Variants in LACTB2 observed in about 807,000 individuals in gnomAD.
LACTB2 encodes lactamase beta 2.
Under a neutral mutation model 34.8 loss-of-function variants are expected in LACTB2, and 32 were observed. That is an observed-to-expected ratio of 0.92 (90% CI 0.69 to 1.24). The LOEUF (loss-of-function observed/expected upper bound fraction) is 1.24, where lower values mean the gene tolerates loss of function less well. Among genes scored for constraint, LACTB2 ranks in the 50% most tolerant of loss-of-function variants. LACTB2 has a pLI of 0.00. For missense variants in LACTB2, 320 were observed against 345.0 expected, an observed-to-expected ratio of 0.93 and a Z score of 0.57; for synonymous variants, 120 against 117.5, an observed-to-expected ratio of 1.02 and a Z score of -0.14.
intron 3 of LACTB2, among the ~76,000 whole-genome samples, chr8:70,645,272 C>T (rs1233122337): frequency 6.6e-6 from 1 of 152,062 alleles, no homozygotes; most frequent in Non-Finnish European, 1.5e-5. Context: ...TGTGCCACCA[C>T]GCTTGGCTAA....
intron 5 of LACTB2, among the ~76,000 whole-genome samples, chr8:70,640,135 A>G (rs190006136): frequency 2.6e-5 from 4 of 151,994 alleles, no homozygotes; most frequent in Admixed American, 6.6e-5. Context: ...TCATTTAAAA[A>G]ATTTCTTGTA....
chr8:70,645,957 A>G (rs1266368272), intron 3 of LACTB2: 2 of 152,166 alleles, frequency 1.3e-5, no homozygotes, highest in South Asian at 2.1e-4. Context: ...ATAAACATAC[A>G]TGTGCATGTG....
Position 70,665,910 on chromosome 8 carries a change from A to C in LACTB2, c.122+3089T>G, listed in dbSNP as rs536545846. On this transcript the variant is annotated intron_variant, in intron 1 of 6. Coordinates refer to ENST00000276590, the MANE Select transcript of LACTB2 (RefSeq NM_016027.3). Reference sequence around the variant, plus strand: ...TTCTTGAGCAGAGGAGGAAAGTAAAAACACTGGACAATTTGGCTGTCATTT... The same window carrying C: ...TTCTTGAGCAGAGGAGGAAAGTAAACACACTGGACAATTTGGCTGTCATTT... 2.0e-5 allele frequency among the ~76,000 whole-genome samples: 3 copies of C among 152,314 alleles called. No homozygotes were observed. The South Asian group carries it at 6.2e-4, about 32-fold the overall frequency.
intron 1 of LACTB2, among the ~76,000 whole-genome samples, chr8:70,663,747 A>T (rs575009685): frequency 6.6e-6 from 1 of 152,172 alleles, no homozygotes; most frequent in Non-Finnish European, 1.5e-5. Flanking sequence ...CTCGGGTCAG[A>T]GTGAGTTCTG....
intron 2 of LACTB2, among the ~76,000 whole-genome samples, chr8:70,659,599 A>G (rs1417857585): frequency 6.6e-6 from 1 of 152,158 alleles, no homozygotes; most frequent in Non-Finnish European, 1.5e-5. Flanking sequence ...CAAGATTGAG[A>G]TATTGAGGTT....
chr8:70,658,599 A>C (rs12674694), intron 2 of LACTB2, among the ~76,000 whole-genome samples: 48,571 of 152,050 alleles, frequency 0.32, 9,137 homozygotes, highest in Non-Finnish European at 0.43. Context: ...AATTCGGCTA[A>C]TAAAGGCAGC....
At chr8:70,650,904 G>A (rs541191467) in intron 3 of LACTB2, among the ~76,000 whole-genome samples, 1 of 151,740 alleles carries the variant, frequency 6.6e-6, no homozygotes, top group East Asian at 1.9e-4. Context: ...GACCAAATAA[G>A]ATTTATTAAA....
intron 4 of LACTB2, among the ~76,000 whole-genome samples, chr8:70,641,630 T>C (rs1307663999): frequency 6.6e-6 from 1 of 152,210 alleles, no homozygotes; most frequent in Non-Finnish European, 1.5e-5. Flanking sequence ...AGCAGTTTCA[T>C]GTACATGACC....
In LACTB2 at chr8:70,669,005, C is replaced by G. The variant is rs1193806120; in HGVS notation, c.116G>C (p.Gly39Ala). ...GTTGGAGAGGGACGTTTACCTGGGG[C>G]CGGTCCCCACTAGGTAGGTGTTGGT... ...QGTNTYLVGT[G>A]PRRILIDTGE... Residue 39 changes from glycine to alanine, a missense_variant, in exon 1 of 7, where the codon GGC becomes GCC. Gly to Ala is a moderately conservative substitution (Grantham distance 60). Coordinates refer to ENST00000276590, the MANE Select transcript of LACTB2 (RefSeq NM_016027.3). 6.3e-7 allele frequency: 1 copy of G among 1,588,078 alleles called. No individual in the cohort carries two copies. Among genetic ancestry groups the G allele is most frequent in the African/African-American group, 1.3e-5 (1 of 74,672 alleles).
At chr8:70,668,205 T>A (rs1390090557) in intron 1 of LACTB2, among the ~76,000 whole-genome samples, 1 of 152,066 alleles carries the variant, frequency 6.6e-6, no homozygotes, top group East Asian at 1.9e-4. Flanking sequence ...TTAAAAATAA[T>A]TTATGTCTTG....
At chr8:70,667,610 C>T (rs1326643237) in intron 1 of LACTB2, among the ~76,000 whole-genome samples, 1 of 152,176 alleles carries the variant, frequency 6.6e-6, no homozygotes, top group Non-Finnish European at 1.5e-5. Flanking sequence ...TTAAGTCTCT[C>T]TTAGCACTAG....
chr8:70,660,467 G>A, intron 2 of LACTB2: 1 of 375,810 alleles, frequency 2.7e-6, no homozygotes, highest in Non-Finnish European at 5.2e-6. Context: ...GATATTGGGT[G>A]TGGTAGCTGA....
At chr8:70,653,778 C>T (rs1237044023) in intron 3 of LACTB2, 2 of 152,174 alleles carry the variant, frequency 1.3e-5, no homozygotes, top group South Asian at 2.1e-4. Context: ...TCCATGAAAA[C>T]CTCCCATGCA....
At chr8:70,642,373 G>A (rs991734757) in intron 4 of LACTB2, among the ~76,000 whole-genome samples, 19 of 152,126 alleles carry the variant, frequency 1.2e-4, no homozygotes, top group Admixed American at 3.3e-4. Context: ...GAGTGTAAAT[G>A]TGTTGAAGAT....
chr8:70,665,757 G>A (rs1392460751), intron 1 of LACTB2, among the ~76,000 whole-genome samples: 3 of 152,154 alleles, frequency 2.0e-5, no homozygotes, highest in South Asian at 2.1e-4. Context: ...GATTCTAATC[G>A]AGGTAACCAG....
chr8:70,640,810 T>C (rs1292222718), intron 5 of LACTB2, 92 bp downstream of exon 5: 2 of 1,293,798 alleles, frequency 1.5e-6, no homozygotes, highest in Non-Finnish European at 2.0e-6. Flanking sequence ...TAACTTCTGA[T>C]CTGGGATATA....
chr8:70,658,725 A>G (rs184972546), intron 2 of LACTB2, among the ~76,000 whole-genome samples: 1 of 152,166 alleles, frequency 6.6e-6, no homozygotes, highest in Non-Finnish European at 1.5e-5. Flanking sequence ...TAAGGGGAAC[A>G]GCATTAGAAA....
Position 70,643,379 on chromosome 8 carries a change from C to T in LACTB2, c.592+686G>A, listed in dbSNP as rs1181954872. Among the ~76,000 whole-genome samples, 8 of 152,086 alleles carry T rather than the reference C, an allele frequency of 5.3e-5. 1 individual carries two copies. Among genetic ancestry groups the T allele is most frequent in the South Asian group, 4.2e-4 (2 of 4,806 alleles). On this transcript the variant is annotated intron_variant, in intron 4 of 6. Coordinates refer to ENST00000276590, the MANE Select transcript of LACTB2 (RefSeq NM_016027.3). ...CTGGGATTATAGGTACCTGCCACCA[C>T]GCCTGGGTAATTTTTGTATTATTAG...
intron 3 of LACTB2, among the ~76,000 whole-genome samples, chr8:70,648,842 G>A (rs994618969): frequency 1.3e-5 from 2 of 152,134 alleles, no homozygotes; most frequent in African/African-American, 4.8e-5. Flanking sequence ...GCATGCTGAG[G>A]TAGGATCCTT....
Sources: gnomAD v4.1 joint callset for allele counts (sites outside exome capture counted in the v4.1 genomes callset) on GRCh38, gnomAD v4.1.1 for gene constraint, MANE v1.5 for transcripts, NCBI Gene and HGNC (gene_info 2026-07-23, HGNC 2026-07-21) for gene names.